Variants in PEX14 observed in about 807,000 individuals in gnomAD.
PEX14 encodes peroxisomal membrane protein PEX14.
A neutral mutation model predicts 49.5 loss-of-function variants in PEX14; 15 were observed. The observed-to-expected ratio is 0.30, with a 90% CI of 0.20 to 0.47. The LOEUF (loss-of-function observed/expected upper bound fraction) is 0.47. Among genes scored for constraint, PEX14 ranks in the 20% least tolerant of loss-of-function variants. The pLI, the probability that PEX14 is intolerant of heterozygous loss-of-function variation, is 1.00. For synonymous variants in PEX14, 210 were observed against 212.7 expected, an observed-to-expected ratio of 0.99 and a Z score of 0.11; for missense variants, 398 against 494.8, an observed-to-expected ratio of 0.80 and a Z score of 1.86.
At position 10,623,526 on chromosome 1, in the gene PEX14, C is replaced by T. The variant is rs982008105; in HGVS notation, c.487+405C>T. ...CTGTAATTACTGTGGCTCCCGGGAC[C>T]CCAGCCACCTCCCCTGTTATCGACT... On this transcript the variant is annotated intron_variant, in intron 6 of 8. Transcript: ENST00000356607. This position sits in a 1 kb window ranked among gnomAD's most constrained non-coding sequence, Gnocchi z 4.4. Among the ~76,000 whole-genome samples, 29 of 152,256 alleles carry T rather than the reference C, an allele frequency of 1.9e-4. No individual in the cohort carries two copies. Among genetic ancestry groups the T allele is most frequent in the African/African-American group, 6.7e-4 (28 of 41,528 alleles).
At chr1:10,566,764 G>T (rs533278379) in intron 3 of PEX14, among the ~76,000 whole-genome samples, 78 of 152,084 alleles carry the variant, frequency 5.1e-4, no homozygotes, top group Non-Finnish European at 9.9e-4. Context: ...TGATCCGCCC[G>T]CCTCGGCCTC....
chr1:10,591,525 A>G (rs1640665290), intron 3 of PEX14, among the ~76,000 whole-genome samples: 1 of 152,146 alleles, frequency 6.6e-6, no homozygotes, highest in African/African-American at 2.4e-5. Context: ...AACAAAATTC[A>G]TAAGGCTAGG....
In PEX14 at chr1:10,514,156, CTGTGTGTGTGTGTGTG is replaced by C. The variant is rs56306413; in HGVS notation, c.84+18863_84+18878del. The stretch of plus-strand genomic sequence containing the variant: ...AAAATGTATAAAATAATCTATGCCT[CTGTGTGTGTGTGTGTG>C]TGTGTGTGTGTGTGTGTGTGTGTGT... On this transcript the variant is annotated intron_variant, in intron 2 of 8. Transcript: ENST00000356607. This position sits in a 1 kb window ranked among gnomAD's most constrained non-coding sequence, Gnocchi z 4.4. 1.4e-4 allele frequency among the ~76,000 whole-genome samples: 20 copies of C among 143,262 alleles called. No homozygotes were observed. Among genetic ancestry groups the C allele is most frequent in the Middle Eastern group, 3.5e-3 (1 of 288 alleles). 94.0% of individuals were successfully genotyped at this position (143,262 alleles called of 152,430 possible).
intron 1 of PEX14, among the ~76,000 whole-genome samples, chr1:10,480,211 T>G (rs1055885753): frequency 2.0e-5 from 3 of 150,908 alleles, no homozygotes; most frequent in African/African-American, 7.3e-5. Flanking sequence ...TTTTTTTTTT[T>G]TGTTTTGTTT....
intron 2 of PEX14, among the ~76,000 whole-genome samples, chr1:10,519,239 C>T (rs866986060): frequency 2.6e-5 from 4 of 152,226 alleles, no homozygotes; most frequent in South Asian, 2.1e-4. Context: ...TCCTATTAGG[C>T]GTGCCCTGTG....
chr1:10,612,617 T>C (rs1641304899), intron 4 of PEX14, among the ~76,000 whole-genome samples: 1 of 152,226 alleles, frequency 6.6e-6, no homozygotes. Flanking sequence ...CCTGTCTTTC[T>C]GCCCACTGCC....
intron 5 of PEX14, among the ~76,000 whole-genome samples, chr1:10,620,942 GAATGCCCTGGCTGT>G (rs1444045930): frequency 6.6e-6 from 1 of 152,328 alleles, no homozygotes; most frequent in East Asian, 1.9e-4. Context: ...GTCCTCAGAT[GAATGCCCTGGCTGT>G]AATGAGCAGT....
At chr1:10,585,861 A>G (rs915790958) in intron 3 of PEX14, among the ~76,000 whole-genome samples, 1 of 152,188 alleles carries the variant, frequency 6.6e-6, no homozygotes, top group Non-Finnish European at 1.5e-5. Flanking sequence ...ACGCCACTGC[A>G]CTCTAGCCTG....
chr1:10,481,813 C>G (rs1351982291), intron 1 of PEX14, among the ~76,000 whole-genome samples: 1 of 144,898 alleles, frequency 6.9e-6, no homozygotes, highest in Non-Finnish European at 1.5e-5. Context: ...TTATTATTAA[C>G]CATTCTACTC....
intron 3 of PEX14, among the ~76,000 whole-genome samples, chr1:10,562,144 C>T (rs1270369097): frequency 5.9e-5 from 9 of 152,168 alleles, no homozygotes; most frequent in East Asian, 1.9e-4. Context: ...ATCTCCCCTG[C>T]GCACTGCCCC....
chr1:10,581,110 G>A (rs573886509), intron 3 of PEX14, among the ~76,000 whole-genome samples: 2 of 152,180 alleles, frequency 1.3e-5, no homozygotes, highest in South Asian at 2.1e-4. Context: ...GTCTCAGGAA[G>A]GGTTCAACCA....
intron 2 of PEX14, among the ~76,000 whole-genome samples, chr1:10,527,210 T>TTAA (rs1570210660): frequency 2.7e-5 from 1 of 36,412 alleles, no homozygotes; most frequent in Non-Finnish European, 8.5e-5. Flanking sequence ...AGACTCTGTC[T>TTAA]CAAAAAAAAA....
chr1:10,503,090 C>CA (rs1331540363), intron 2 of PEX14, among the ~76,000 whole-genome samples: 4 of 151,518 alleles, frequency 2.6e-5, no homozygotes, highest in African/African-American at 9.7e-5. Context: ...TGTGAGCCAC[C>CA]ACGCCCTGCC....
chr1:10,522,564 A>G (rs1440861467), intron 2 of PEX14, among the ~76,000 whole-genome samples: 2 of 152,198 alleles, frequency 1.3e-5, no homozygotes, highest in Non-Finnish European at 2.9e-5. Flanking sequence ...TCCTCATCTT[A>G]GATTGCTACA....
Position 10,487,133 on chromosome 1 carries a change from A to G in PEX14, c.37-8141A>G, listed in dbSNP as rs532930624. On this transcript the variant is annotated intron_variant, in intron 1 of 8. Transcript: ENST00000356607. ...TGATTGATTTTTGAAATGTTAAACC[A>G]ATTTTTTATTCATTGGATAAATTCT... is the stretch of plus-strand genomic sequence containing the variant. Among the ~76,000 whole-genome samples, 31 of 152,300 alleles carry G rather than the reference A, an allele frequency of 2.0e-4. No homozygotes were observed. In the South Asian group the frequency reaches 6.0e-3, roughly 30 times the overall value.
At chr1:10,570,853 T>G (rs985036528) in intron 3 of PEX14, among the ~76,000 whole-genome samples, 2 of 143,900 alleles carry the variant, frequency 1.4e-5, no homozygotes, top group African/African-American at 2.5e-5. Flanking sequence ...ACAGGGTTTT[T>G]TTTTTTTTTT....
intron 3 of PEX14, chr1:10,536,498 C>T (rs1019139884): frequency 8.4e-6 from 5 of 597,808 alleles, no homozygotes; most frequent in African/African-American, 7.4e-5. Flanking sequence ...TGACACGATT[C>T]GGGTAATTAA....
chr1:10,573,484 A>G (rs919845533), intron 3 of PEX14, among the ~76,000 whole-genome samples: 5 of 152,202 alleles, frequency 3.3e-5, no homozygotes, highest in Non-Finnish European at 5.9e-5. Context: ...AGCGTTAATA[A>G]TCATATAAAA....
In PEX14 at chr1:10,628,389, G is replaced by A. The variant is rs559455999; in HGVS notation, c.677+1026G>A. Among the ~76,000 whole-genome samples, 1 of 152,268 alleles carries A rather than the reference G, an allele frequency of 6.6e-6. No individual in the cohort carries two copies. ...GCTGGATTTGTTGGGAGCTGGGTGAGTGGGAGGGTGCAGGTGGGCTTTTCA... is the reference window on the plus strand; with the variant it reads ...GCTGGATTTGTTGGGAGCTGGGTGAATGGGAGGGTGCAGGTGGGCTTTTCA... On this transcript the variant is annotated intron_variant, in intron 8 of 8. Coordinates refer to ENST00000356607, the MANE Select transcript of PEX14 (RefSeq NM_004565.3). The surrounding 1 kb of genome is among the most constrained non-coding windows in gnomAD (Gnocchi z 4.5).
Sources: allele counts gnomAD v4.1 joint callset (sites outside exome capture counted in the v4.1 genomes callset), GRCh38; gene constraint gnomAD v4.1.1; non-coding constraint Gnocchi (gnomAD v3.1); transcripts MANE v1.5; gene names NCBI Gene and HGNC (gene_info 2026-07-23, HGNC 2026-07-21).